Variants in CFAP69 observed in about 807,000 individuals in gnomAD.
CFAP69 encodes the protein cilia and flagella associated protein 69, also known as cilia- and flagella-associated protein 69.
Under a neutral mutation model 123.0 loss-of-function variants are expected in CFAP69, and 92 were observed. The ratio of observed to expected loss-of-function variants is 0.75; its 90% CI spans 0.63 to 0.89. The LOEUF is 0.89. Among genes scored for constraint, CFAP69 ranks in the 40% least tolerant of loss-of-function variants. The pLI, the probability that CFAP69 is intolerant of heterozygous loss-of-function variation, is 0.00. For synonymous variants in CFAP69, 380 were observed against 364.3 expected, an observed-to-expected ratio of 1.04 and a Z score of -0.49; for missense variants, 1,067 against 1,096.9, an observed-to-expected ratio of 0.97 and a Z score of 0.39.
At chr7:90,267,493 G>A (rs1331219992) in intron 5 of CFAP69, among the ~76,000 whole-genome samples, 1 of 152,186 alleles carries the variant, frequency 6.6e-6, no homozygotes, top group Non-Finnish European at 1.5e-5. Flanking sequence ...TGGGGATCAT[G>A]TTTATAGGAC....
In CFAP69 at chr7:90,279,797, A is replaced by G. The variant is rs767887680; in HGVS notation, c.1276A>G (p.Thr426Ala). ...HEELQLHAIA[T>A]LSSVAPLLIE... The stretch of plus-strand genomic sequence containing the variant: ...AGAATTACAACTGCATGCAATTGCC[A>G]CTTTGTCATCAGTGGCTCCTTTATT... The change falls in exon 12 of 23, where the codon ACT (threonine) becomes GCT (alanine). Residue 426 changes from threonine to alanine, a missense_variant. Thr to Ala is a moderately conservative substitution (Grantham distance 58). Transcript: ENST00000389297. The G allele has an allele frequency of 5.0e-6, 8 of 1,613,114 alleles. No individual in the cohort carries two copies. Among genetic ancestry groups the G allele is most frequent in the Non-Finnish European group, 6.8e-6 (8 of 1,179,762 alleles).
At chr7:90,319,149 T>C in the CFAP69 span, 6 of 384,618 alleles carry the variant, frequency 1.6e-5, no homozygotes, top group African/African-American at 1.0e-4. Context: ...TATTCCAAGA[T>C]CATTTAAAAT....
chr7:90,282,178 C>A lies in CFAP69; in HGVS notation c.1373-714C>A, dbSNP rs1046895744. ...GACCAGCCTGGGCAACATGGTGAGACCCCATCTCTTAAAAAAAAAAAGCAG... is the reference window on the plus strand; with the variant it reads ...GACCAGCCTGGGCAACATGGTGAGAACCCATCTCTTAAAAAAAAAAAGCAG... On this transcript the variant is annotated intron_variant, in intron 12 of 22. Transcript: ENST00000389297. Among the ~76,000 whole-genome samples the A allele has an allele frequency of 1.2e-4, 9 of 76,194 alleles. No homozygotes were observed. The East Asian group carries it at 3.6e-3, about 31-fold the overall frequency. The allele number at this position is 76,194 out of a possible 152,430, so 50.0% of individuals were successfully genotyped here. A position where few individuals can be genotyped will look rare whatever the true frequency, so the allele number is the denominator to read the frequency against.
At chr7:90,278,099 T>C (rs1788871621) in intron 11 of CFAP69, among the ~76,000 whole-genome samples, 1 of 152,086 alleles carries the variant, frequency 6.6e-6, no homozygotes, top group Non-Finnish European at 1.5e-5. Context: ...TCTACCAAGC[T>C]CCAAGGATTA....
Position 90,274,111 on chromosome 7 carries a change from G to C in CFAP69, c.984+1G>C, listed in dbSNP as rs1402167703. On this transcript the variant is annotated splice_donor_variant, in intron 9 of 22. Coordinates refer to ENST00000389297, the MANE Select transcript of CFAP69 (RefSeq NM_001039706.3). LOFTEE classifies it high-confidence loss of function. Reference sequence around the variant, plus strand: ...TCAAAATCCTGAAGCACCAATGATTGTAAGTATGAATCAAATTGCATTAAT... The same window carrying C: ...TCAAAATCCTGAAGCACCAATGATTCTAAGTATGAATCAAATTGCATTAAT... 1 of 1,594,406 alleles carries C rather than the reference G, an allele frequency of 6.3e-7. No individual in the cohort carries two copies. The highest frequency in any genetic ancestry group is 8.5e-7 in the Non-Finnish European group (1 of 1,173,998).
At chr7:90,259,549 G>A (rs952694229) in intron 3 of CFAP69, among the ~76,000 whole-genome samples, 5 of 152,008 alleles carry the variant, frequency 3.3e-5, no homozygotes, top group African/African-American at 7.3e-5. Context: ...GGAGTATAGC[G>A]GGGCAGTCAT....
At chr7:90,277,464 G>T in intron 11 of CFAP69, 130 bp downstream of exon 11, 1 of 751,160 alleles carries the variant, frequency 1.3e-6, no homozygotes, top group Non-Finnish European at 1.9e-6. Flanking sequence ...AATCTTACTG[G>T]CCTGAATTTT....
rs140932800 is a variant in CFAP69 at position 90,296,579 on chromosome 7, C to G, written c.1776-1170C>G. Among the ~76,000 whole-genome samples the G allele has an allele frequency of 2.0e-3, 305 of 152,122 alleles. 1 individual carries two copies. Among genetic ancestry groups the G allele is most frequent in the African/African-American group, 6.9e-3 (286 of 41,488 alleles). On this transcript the variant is annotated intron_variant, in intron 15 of 22. Transcript: ENST00000389297. Reference sequence around the variant, plus strand: ...CTGACCTCAGGTGATCCACCCCCCTCAGCCTCCCAAAGTGCTGGTATTACA... The same window carrying G: ...CTGACCTCAGGTGATCCACCCCCCTGAGCCTCCCAAAGTGCTGGTATTACA...
chr7:90,261,993 C>A lies in CFAP69; in HGVS notation c.293C>A (p.Ser98Ter). The A allele has an allele frequency of 6.2e-7, 1 of 1,601,288 alleles. No individual in the cohort carries two copies. Among genetic ancestry groups the A allele is most frequent in the Non-Finnish European group, 8.5e-7 (1 of 1,174,938 alleles). The change falls in exon 4 of 23, where the codon TCA (serine) becomes TAA (stop). Residue 98 changes from serine (S) to a stop codon, truncating the protein, a stop_gained. Transcript: ENST00000389297. LOFTEE classifies it high-confidence loss of function. ...ATATTTAAAATTCTGAATCTGTGTT[C>A]AGGAAAAATAAAAAACCAGCCTCGT... is the stretch of plus-strand genomic sequence containing the variant. ...AQIFKILNLC[S>*]GKIKNQPRFI...
chr7:90,309,697 G>C (rs1794096859), intron 22 of CFAP69, among the ~76,000 whole-genome samples: 1 of 152,042 alleles, frequency 6.6e-6, no homozygotes, highest in Non-Finnish European at 1.5e-5. Context: ...TTCTGGTTTA[G>C]AGTAGGCCCA....
At chr7:90,309,394 CT>C in intron 22 of CFAP69, 27 bp downstream of exon 22, 1 of 1,255,088 alleles carries the variant, frequency 8.0e-7, no homozygotes, top group South Asian at 1.5e-5. Context: ...ATAACATTTT[CT>C]TAATAGACAT....
intron 1 of CFAP69, among the ~76,000 whole-genome samples, chr7:90,247,630 G>A (rs1034180697): frequency 5.3e-5 from 8 of 152,090 alleles, no homozygotes; most frequent in Non-Finnish European, 8.8e-5. Flanking sequence ...GGCAGATCAC[G>A]AGTTCAGGAG....
At chr7:90,289,634 C>T (rs1003786872) in intron 15 of CFAP69, among the ~76,000 whole-genome samples, 2 of 152,058 alleles carry the variant, frequency 1.3e-5, no homozygotes. Context: ...TCAGTGTGGT[C>T]CAATTTACCA....
downstream of CFAP69, among the ~76,000 whole-genome samples, chr7:90,315,531 T>G (rs143042169): frequency 3.3e-5 from 5 of 152,098 alleles, no homozygotes; most frequent in African/African-American, 9.6e-5. Flanking sequence ...ATGTTCTCAC[T>G]TAAGTGGGAG....
rs1405237243 is a variant in CFAP69 at position 90,255,425 on chromosome 7, T to A, written c.123T>A (p.Asp41Glu). The change falls in exon 2 of 23, where the codon GAT becomes GAA. Residue 41 changes from aspartate to glutamate, a missense_variant and splice_region_variant. Physicochemically the swap from Asp to Glu is conservative, Grantham distance 45. Transcript: ENST00000389297. Reference protein sequence around the residue: ...GVVTEDDEAQDVFKPMDLNRV... With the variant: ...GVVTEDDEAQEVFKPMDLNRV... ...AGTAAGAGTTGTATGTTTTTTAGGA[T>A]GTTTTCAAGCCTATGGACCTTAATC... 6.2e-7 allele frequency: 1 copy of A among 1,611,864 alleles called. No individual in the cohort carries two copies. The highest frequency in any genetic ancestry group is 1.7e-5 in the Admixed American group (1 of 59,966).
chr7:90,285,581 C>A (rs1353524166), intron 13 of CFAP69, among the ~76,000 whole-genome samples: 1 of 152,112 alleles, frequency 6.6e-6, no homozygotes, highest in African/African-American at 2.4e-5. Flanking sequence ...TTGTTTAAAA[C>A]ACCTTCAGTT....
intron 3 of CFAP69, among the ~76,000 whole-genome samples, chr7:90,260,008 G>A (rs1212830339): frequency 6.6e-6 from 1 of 152,118 alleles, no homozygotes; most frequent in African/African-American, 2.4e-5. Context: ...CCTGTGGGCT[G>A]CATGCTGCCC....
At chr7:90,285,708 A>C (rs1459854940) in intron 13 of CFAP69, among the ~76,000 whole-genome samples, 1 of 152,226 alleles carries the variant, frequency 6.6e-6, no homozygotes, top group Non-Finnish European at 1.5e-5. Context: ...GAGATTAGGC[A>C]AACCACAGTC....
chr7:90,271,935 G>T lies in CFAP69; in HGVS notation c.837G>T (p.Gln279His), dbSNP rs1269030394. The change falls in exon 8 of 23, where the codon CAG (glutamine) becomes CAT (histidine). Residue 279 changes from glutamine (Q) to histidine (H), a missense_variant. Transcript: ENST00000389297. ...CTTCAAAAGAAGAAGTCATACAACA[G>T]CTTAGTAACTTGGAATGTTTGCTGT... Reference protein sequence around the residue: ...EKSSKEEVIQQLSNLECLLAL... With the variant: ...EKSSKEEVIQHLSNLECLLAL... 1 of 1,611,936 alleles carries T rather than the reference G, an allele frequency of 6.2e-7. No individual in the cohort carries two copies.
Sources: gnomAD v4.1 joint callset for allele counts (sites outside exome capture counted in the v4.1 genomes callset) on GRCh38, gnomAD v4.1.1 for gene constraint, MANE v1.5 for transcripts, NCBI Gene and HGNC (gene_info 2026-07-23, HGNC 2026-07-21) for gene names.